Variants in FKBP1B observed in about 807,000 individuals in gnomAD.
FKBP1B encodes the protein FKBP prolyl isomerase 1B.
In FKBP1B, 4 loss-of-function variants were observed where a neutral mutation model predicts 13.5. The ratio of observed to expected loss-of-function variants is 0.30; its 90% confidence interval spans 0.15 to 0.68. The LOEUF is 0.68. Among genes scored for constraint, FKBP1B ranks in the 30% least tolerant of loss-of-function variants. The pLI is 0.76. For missense variants in FKBP1B, 93 were observed against 136.2 expected (o/e 0.68, Z 1.58); for synonymous variants, 54 against 53.6 (o/e 1.01, Z -0.03).
In FKBP1B at chr2:24,059,372, T is replaced by TGGGGG. The variant is rs71395181; in HGVS notation, c.86-1437_86-1433dup. Among the ~76,000 whole-genome samples the TGGGGG allele has an allele frequency of 1.1e-3, 164 of 144,058 alleles. 1 individual carries two copies. The highest frequency in any genetic ancestry group is 1.8e-3 in the African/African-American group (66 of 36,588). The allele number at this position is 144,058 out of a possible 152,430, so 94.5% of individuals were successfully genotyped here. On this transcript the variant is annotated intron_variant, in intron 2 of 3. Coordinates refer to ENST00000380986, the MANE Select transcript of FKBP1B (RefSeq NM_004116.5). ...GAACCAGAACTGCTGGACCAGCACCTGGGGGGGGGTTCTGGTTTCAAACAG... is the reference window on the plus strand; with the variant it reads ...GAACCAGAACTGCTGGACCAGCACCTGGGGGGGGGGGGGGTTCTGGTTTCAAACAG...
chr2:24,048,124 C>T (rs1663690949), upstream of FKBP1B, among the ~76,000 whole-genome samples: 1 of 152,294 alleles, frequency 6.6e-6, no homozygotes, highest in Admixed American at 6.5e-5. Context: ...TCTTCCAGTG[C>T]CACTCAGGAG....
At chr2:24,039,062 C>G in the FKBP1B span, 2 of 1,614,172 alleles carry the variant, frequency 1.2e-6, no homozygotes, top group Non-Finnish European at 1.7e-6. Flanking sequence ...TGGGAATCAT[C>G]AGAGTGAACA....
intron 2 of FKBP1B, 34 bp from the exon 3 acceptor site, chr2:24,060,780 A>G (rs930452070): frequency 6.5e-7 from 1 of 1,526,856 alleles, no homozygotes; most frequent in African/African-American, 1.4e-5. Context: ...ACTCATGACC[A>G]CAGCTCTATT....
intron 2 of FKBP1B, chr2:24,054,179 GT>G: frequency 1.4e-6 from 1 of 700,638 alleles, no homozygotes; most frequent in Middle Eastern, 2.3e-4. Flanking sequence ...GCCATCCATG[GT>G]GCCAGCTTCT....
chr2:24,063,245 C>G lies in FKBP1B; in HGVS notation c.*53C>G. The G allele has an allele frequency of 6.7e-7, 1 of 1,503,144 alleles. No homozygotes were observed. Among genetic ancestry groups the G allele is most frequent in the South Asian group, 1.3e-5 (1 of 75,448 alleles). 93.1% of individuals were successfully genotyped at this position (1,503,144 alleles called of 1,614,324 possible). A position where few individuals can be genotyped will look rare whatever the true frequency, so the allele number is the denominator to read the frequency against. On this transcript the variant is annotated 3_prime_UTR_variant, in exon 4 of 4. Transcript: ENST00000380986. The stretch of plus-strand genomic sequence containing the variant: ...AGATGGCTGCTGCTCACCCTCCTAG[C>G]CTGCTCTGCCACTGGGACGGCTCCT...
chr2:24,062,767 C>T (rs530639647), intron 3 of FKBP1B, among the ~76,000 whole-genome samples: 4 of 152,286 alleles, frequency 2.6e-5, no homozygotes, highest in African/African-American at 9.6e-5. Context: ...GAACTATGAA[C>T]AAATGGAAGT....
upstream of FKBP1B, among the ~76,000 whole-genome samples, chr2:24,045,680 A>G (rs1663600524): frequency 6.7e-6 from 1 of 148,522 alleles, no homozygotes; most frequent in African/African-American, 2.5e-5. Context: ...GGAAGGAAGA[A>G]AGGAAAGGAA....
At chr2:24,051,598 GAC>G (rs1369009982) in intron 1 of FKBP1B, among the ~76,000 whole-genome samples, 5 of 152,192 alleles carry the variant, frequency 3.3e-5, no homozygotes, top group Non-Finnish European at 1.5e-5. Flanking sequence ...GCCCTAAGGT[GAC>G]ACAGTTGAAA....
chr2:24,049,913 G>T, intron 1 of FKBP1B, 27 bp downstream of exon 1: 1 of 1,392,308 alleles, frequency 7.2e-7, no homozygotes, highest in Non-Finnish European at 9.3e-7. Flanking sequence ...GGAGCCAGGG[G>T]AGGGGAGGGG....
At position 24,050,020 on chromosome 2, in the gene FKBP1B, G is replaced by A. The variant is rs372998979; in HGVS notation, c.37+134G>A. 1 of 598,904 alleles carries A rather than the reference G, an allele frequency of 1.7e-6. No individual in the cohort carries two copies. The highest frequency in any genetic ancestry group is 2.5e-6 in the Non-Finnish European group (1 of 402,790). 37.1% of individuals were successfully genotyped at this position (598,904 alleles called of 1,614,324 possible). A position where few individuals can be genotyped will look rare whatever the true frequency, so the allele number is the denominator to read the frequency against. Reference sequence around the variant, plus strand: ...CTGGATGGGGAAGGCAGGCGGAGACGCCGGACGGGATTCTTGGGGGTCTAG... The same window carrying A: ...CTGGATGGGGAAGGCAGGCGGAGACACCGGACGGGATTCTTGGGGGTCTAG... On this transcript the variant is annotated intron_variant, in intron 1 of 3. Transcript: ENST00000380986. This position sits in a 1 kb window ranked among gnomAD's most constrained non-coding sequence, Gnocchi z 5.8.
At position 24,049,891 on chromosome 2, in the gene FKBP1B, C is replaced by G; in HGVS notation, c.37+5C>G. The G allele has an allele frequency of 7.1e-7, 1 of 1,410,244 alleles. No homozygotes were observed. The highest frequency in any genetic ancestry group is 1.5e-5 in the South Asian group (1 of 67,926). 87.4% of individuals were successfully genotyped at this position (1,410,244 alleles called of 1,614,324 possible). On this transcript the variant is annotated splice_donor_5th_base_variant and intron_variant, in intron 1 of 3. Coordinates refer to ENST00000380986, the MANE Select transcript of FKBP1B (RefSeq NM_004116.5). The stretch of plus-strand genomic sequence containing the variant: ...AGACCATCTCCCCCGGAGACGGTAC[C>G]GGGCTCCCTCCGGAGCCAGGGGAGG...
the FKBP1B span, chr2:24,039,407 C>T: frequency 3.4e-4 from 555 of 1,614,162 alleles, 2 homozygotes; most frequent in Non-Finnish European, 4.4e-4. Flanking sequence ...TGATTCCCAT[C>T]GGTCCAGGCA....
At chr2:24,054,169 G>T in intron 2 of FKBP1B, 1 of 705,946 alleles carries the variant, frequency 1.4e-6, no homozygotes, top group South Asian at 1.5e-5. Context: ...ACCAGCAAGG[G>T]CCATCCATGG....
At chr2:24,034,806 CT>C in the FKBP1B span, among the ~76,000 whole-genome samples, 1 of 152,026 alleles carries the variant, frequency 6.6e-6, no homozygotes, top group African/African-American at 2.4e-5. Flanking sequence ...AACTCCTGGA[CT>C]CAAGTGATCT....
In FKBP1B at chr2:24,049,875, C is replaced by T. The variant is rs1040931112; in HGVS notation, c.26C>T (p.Ser9Phe). The change falls in exon 1 of 4, where the codon TCC becomes TTC. Residue 9 changes from serine (S) to phenylalanine (F), a missense_variant. Ser to Phe is a radical substitution (Grantham distance 155). Transcript: ENST00000380986. ...ATGGGCGTGGAGATCGAGACCATCT[C>T]CCCCGGAGACGGTACCGGGCTCCCT... Reference protein sequence around the residue: MGVEIETISPGDGRTFPKK... With the variant: MGVEIETIFPGDGRTFPKK... 4 of 1,425,880 alleles carry T rather than the reference C, an allele frequency of 2.8e-6. No individual in the cohort carries two copies. Among genetic ancestry groups the T allele is most frequent in the African/African-American group, 3.0e-5 (2 of 67,772 alleles). 88.3% of individuals were successfully genotyped at this position (1,425,880 alleles called of 1,614,324 possible).
chr2:24,043,383 T>G, the FKBP1B span, among the ~76,000 whole-genome samples: 6 of 152,108 alleles, frequency 3.9e-5, no homozygotes, highest in Non-Finnish European at 7.4e-5. Flanking sequence ...CAGTGGCTCA[T>G]GCCTGTAATC....
chr2:24,054,917 C>A (rs1446188304), intron 2 of FKBP1B, among the ~76,000 whole-genome samples: 1 of 152,222 alleles, frequency 6.6e-6, no homozygotes, highest in Non-Finnish European at 1.5e-5. Context: ...ACAATACATA[C>A]ATAGGGCAGC....
the FKBP1B span, chr2:24,037,977 G>C: frequency 6.2e-7 from 1 of 1,614,208 alleles, no homozygotes; most frequent in Non-Finnish European, 8.5e-7. Context: ...AGCCATCACA[G>C]ATACTAGACA....
At chr2:24,044,527 A>G in the FKBP1B span, among the ~76,000 whole-genome samples, 1 of 152,180 alleles carries the variant, frequency 6.6e-6, no homozygotes, top group African/African-American at 2.4e-5. Flanking sequence ...TTGGCCTCCC[A>G]AAGTGCTAGG....
Sources: allele counts gnomAD v4.1 joint callset (sites outside exome capture counted in the v4.1 genomes callset), GRCh38; gene constraint gnomAD v4.1.1; non-coding constraint Gnocchi (gnomAD v3.1); transcripts MANE v1.5; gene names NCBI Gene and HGNC (gene_info 2026-07-23, HGNC 2026-07-21).